UNC13C: variants seen among roughly 807,000 people sequenced by gnomAD.
UNC13C encodes the protein protein unc-13 homolog C.
In UNC13C, 174 loss-of-function variants were observed where a neutral mutation model predicts 245.4. The ratio of observed to expected loss-of-function variants is 0.71; its 90% CI spans 0.63 to 0.80. UNC13C has a LOEUF of 0.80. UNC13C is among the 30% of genes least tolerant of loss of function. The pLI, the probability that UNC13C is intolerant of heterozygous loss-of-function variation, is 0.00. For missense variants in UNC13C, 2,829 were observed against 2,602.9 expected, an observed-to-expected ratio of 1.09 and a Z score of -1.89; for synonymous variants, 992 against 895.1, an observed-to-expected ratio of 1.11 and a Z score of -1.93.
At chr15:54,422,282 A>G (rs1157667271) in intron 19 of UNC13C, among the ~76,000 whole-genome samples, 1 of 151,906 alleles carries the variant, frequency 6.6e-6, no homozygotes, top group African/African-American at 2.4e-5. Context: ...TACTACCTCC[A>G]ACTAGTTCTA....
intron 24 of UNC13C, among the ~76,000 whole-genome samples, chr15:54,517,530 A>C (rs1339767810): frequency 6.6e-6 from 1 of 152,128 alleles, no homozygotes; most frequent in Non-Finnish European, 1.5e-5. Context: ...TTACTGAAGG[A>C]TATTCAGAAG....
At chr15:54,357,887 A>G (rs1511793) in intron 17 of UNC13C, among the ~76,000 whole-genome samples, 70,858 of 151,462 alleles carry the variant, frequency 0.47, 16,889 homozygotes, top group East Asian at 0.74. Flanking sequence ...ATTATTTTAT[A>G]TGTGTTTGTA....
chr15:54,370,539 G>GC (rs2039466885), intron 17 of UNC13C, among the ~76,000 whole-genome samples: 1 of 152,140 alleles, frequency 6.6e-6, no homozygotes, highest in Non-Finnish European at 1.5e-5. Flanking sequence ...GATCATGTCT[G>GC]CCACTGCTTC....
chr15:53,865,239 T>TG, the UNC13C span, among the ~76,000 whole-genome samples: 9 of 152,194 alleles, frequency 5.9e-5, no homozygotes, highest in Non-Finnish European at 1.3e-4. Flanking sequence ...CATAAAGCTG[T>TG]GGCAGGAACT....
intron 19 of UNC13C, among the ~76,000 whole-genome samples, chr15:54,422,958 TACAC>T (rs35647420): frequency 5.5e-5 from 8 of 146,000 alleles, no homozygotes; most frequent in East Asian, 2.0e-4. Context: ...AGCAATATAG[TACAC>T]ACACACACAC....
At chr15:54,564,807 G>A (rs946937141) in intron 29 of UNC13C, among the ~76,000 whole-genome samples, 2 of 152,002 alleles carry the variant, frequency 1.3e-5, no homozygotes, top group Admixed American at 1.3e-4. Flanking sequence ...GAATTTTTAG[G>A]AGTGCAGTGT....
At chr15:54,615,111 G>C (rs1403517653) in intron 30 of UNC13C, among the ~76,000 whole-genome samples, 2 of 151,816 alleles carry the variant, frequency 1.3e-5, no homozygotes, top group South Asian at 2.1e-4. Flanking sequence ...TAAATTTTTC[G>C]TGGGTACATG....
chr15:54,574,323 T>G (rs1033158198), intron 30 of UNC13C, among the ~76,000 whole-genome samples: 1 of 152,134 alleles, frequency 6.6e-6, no homozygotes, highest in African/African-American at 2.4e-5. Flanking sequence ...CTTATTGCTG[T>G]TTTTTCTCAA....
At chr15:54,219,201 C>G (rs1192013000) in intron 4 of UNC13C, among the ~76,000 whole-genome samples, 1 of 152,024 alleles carries the variant, frequency 6.6e-6, no homozygotes, top group East Asian at 1.9e-4. Flanking sequence ...TCAAACTATA[C>G]TACAAGGCTA....
intron 4 of UNC13C, among the ~76,000 whole-genome samples, chr15:54,175,210 G>C (rs2033565829): frequency 6.6e-6 from 1 of 152,024 alleles, no homozygotes; most frequent in African/African-American, 2.4e-5. Flanking sequence ...CTCTCCATCA[G>C]CTTTTCTTTA....
At chr15:54,474,566 T>G (rs1892626316) in intron 19 of UNC13C, among the ~76,000 whole-genome samples, 1 of 152,048 alleles carries the variant, frequency 6.6e-6, no homozygotes, top group Non-Finnish European at 1.5e-5. Context: ...CTTGTTTGAG[T>G]TCTTGTATGT....
At chr15:53,851,731 C>T in the UNC13C span, among the ~76,000 whole-genome samples, 10 of 152,118 alleles carry the variant, frequency 6.6e-5, no homozygotes, top group African/African-American at 2.4e-4. Context: ...TTTGTCCAAT[C>T]GCATTGTGAC....
At chr15:54,068,632 C>T (rs1204960723) in intron 2 of UNC13C, among the ~76,000 whole-genome samples, 1 of 152,132 alleles carries the variant, frequency 6.6e-6, no homozygotes, top group Non-Finnish European at 1.5e-5. Flanking sequence ...TGATTGTCTT[C>T]ACCTCATGAT....
At chr15:54,569,831 A>C (rs1175332644) in intron 30 of UNC13C, among the ~76,000 whole-genome samples, 1 of 151,624 alleles carries the variant, frequency 6.6e-6, no homozygotes, top group Non-Finnish European at 1.5e-5. Context: ...AATTGGTAGG[A>C]TATAGATACG....
intron 17 of UNC13C, among the ~76,000 whole-genome samples, chr15:54,378,689 T>C (rs2039657434): frequency 6.6e-6 from 1 of 151,880 alleles, no homozygotes; most frequent in African/African-American, 2.4e-5. Flanking sequence ...TGCCCAAATT[T>C]ATACAATAAA....
intron 4 of UNC13C, among the ~76,000 whole-genome samples, chr15:54,171,038 G>A (rs926413564): frequency 6.6e-6 from 1 of 152,132 alleles, no homozygotes; most frequent in Admixed American, 6.5e-5. Context: ...GCCCTTTTTA[G>A]TGTGCCAATT....
intron 2 of UNC13C, among the ~76,000 whole-genome samples, chr15:54,034,682 G>A (rs1896499908): frequency 1.3e-5 from 2 of 152,140 alleles, no homozygotes; most frequent in African/African-American, 4.8e-5. Context: ...GCATACTACT[G>A]TACAGATTTG....
chr15:54,122,389 TTACTG>T (rs1447263587), intron 2 of UNC13C, among the ~76,000 whole-genome samples: 4 of 152,038 alleles, frequency 2.6e-5, no homozygotes, highest in Non-Finnish European at 5.9e-5. Flanking sequence ...TAAAAATAGT[TTACTG>T]TATATAATGA....
intron 8 of UNC13C, 93 bp from the exon 9 acceptor site, chr15:54,264,075 T>G: frequency 1.6e-6 from 2 of 1,272,466 alleles, no homozygotes; most frequent in East Asian, 5.1e-5. Context: ...AAGCACTCAT[T>G]CATTCTCACT....
Sources: allele counts gnomAD v4.1 joint callset (sites outside exome capture counted in the v4.1 genomes callset), GRCh38; gene constraint gnomAD v4.1.1; transcripts MANE v1.5; gene names NCBI Gene and HGNC (gene_info 2026-07-23, HGNC 2026-07-21).